Variants in EGLN2 observed in about 807,000 individuals in gnomAD.
EGLN2 encodes the protein egl-9 family hypoxia inducible factor 2.
Under a neutral mutation model 38.2 loss-of-function variants are expected in EGLN2, and 15 were observed. The observed-to-expected ratio is 0.39, with a 90% confidence interval of 0.26 to 0.60. The LOEUF is 0.60. Among genes scored for constraint, EGLN2 ranks in the 20% least tolerant of loss-of-function variants. The probability of loss-of-function intolerance (pLI) is 0.50; values close to 1 mark genes in which losing one functional copy is unlikely to be tolerated. For missense variants in EGLN2, 492 were observed against 570.4 expected, an observed-to-expected ratio of 0.86 and a Z score of 1.40; for synonymous variants, 284 against 237.4, an observed-to-expected ratio of 1.20 and a Z score of -1.81.
At position 40,808,025 on chromosome 19, in the gene EGLN2, A is replaced by G. The variant is rs749135378; in HGVS notation, c.*161A>G. The G allele has an allele frequency of 2.8e-5, 20 of 714,674 alleles. No individual in the cohort carries two copies. Among genetic ancestry groups the G allele is most frequent in the Non-Finnish European group, 4.6e-5 (20 of 430,886 alleles). The allele number at this position is 714,674 out of a possible 1,614,324, so 44.3% of individuals were successfully genotyped here. A position where few individuals can be genotyped will look rare whatever the true frequency, so the allele number is the denominator to read the frequency against. Reference sequence around the variant, plus strand: ...TCTGTTGCTGAGGACCAAGGAGGAGAAGAGACCTTTGCTGCCCCATCATGG... The same window carrying G: ...TCTGTTGCTGAGGACCAAGGAGGAGGAGAGACCTTTGCTGCCCCATCATGG... On this transcript the variant is annotated 3_prime_UTR_variant, in exon 6 of 6. Transcript: ENST00000303961.
Position 40,807,840 on chromosome 19 carries a change from A to G in EGLN2, c.1200A>G (p.Val400=). ...ASGQKGVQVP[V]SQPPTPT ...GACAGAAAGGTGTCCAAGTACCTGT[A>G]TCACAGCCGCCTACGCCCACCTAGT... Residue 400 remains valine, a synonymous_variant, in exon 6 of 6, where the codon GTA becomes GTG. Transcript: ENST00000303961. The G allele has an allele frequency of 1.2e-6, 2 of 1,614,144 alleles. No individual in the cohort carries two copies. The highest frequency in any genetic ancestry group is 2.2e-5 in the East Asian group (1 of 44,876).
intron 5 of EGLN2, 78 bp downstream of exon 5, chr19:40,807,629 G>A: frequency 6.5e-7 from 1 of 1,529,286 alleles, no homozygotes; most frequent in Non-Finnish European, 9.0e-7. Context: ...CCCCTCATCA[G>A]CCTCTTGTTA....
At chr19:40,799,729 C>A (rs188856739) in intron 1 of EGLN2, 1 of 152,226 alleles carries the variant, frequency 6.6e-6, no homozygotes, top group Non-Finnish European at 1.5e-5. Flanking sequence ...ACCTCCCTTC[C>A]GTCTGGGCGT....
At chr19:40,801,593 A>G (rs566408534) in intron 2 of EGLN2, among the ~76,000 whole-genome samples, 178 bp downstream of exon 2, 10 of 148,610 alleles carry the variant, frequency 6.7e-5, no homozygotes, top group African/African-American at 2.0e-4. Flanking sequence ...TATCCTCCCT[A>G]CGGGCCTTAA....
intron 3 of EGLN2, 85 bp from the exon 4 acceptor site, chr19:40,807,053 C>T (rs949883637): frequency 1.8e-4 from 277 of 1,578,704 alleles, no homozygotes; most frequent in Non-Finnish European, 2.3e-4. Context: ...GCAGACGCTG[C>T]GCCTCCTAGT....
rs1002558940 is a variant in EGLN2 at position 40,808,029 on chromosome 19, G to A, written c.*165G>A. On this transcript the variant is annotated 3_prime_UTR_variant, in exon 6 of 6. Transcript: ENST00000303961. The stretch of plus-strand genomic sequence containing the variant: ...TTGCTGAGGACCAAGGAGGAGAAGA[G>A]ACCTTTGCTGCCCCATCATGGGGGC... 1.4e-6 allele frequency: 1 copy of A among 692,370 alleles called. No individual in the cohort carries two copies. Among genetic ancestry groups the A allele is most frequent in the African/African-American group, 1.8e-5 (1 of 55,672 alleles). 42.9% of individuals were successfully genotyped at this position (692,370 alleles called of 1,614,324 possible).
chr19:40,807,983 T>C lies in EGLN2; in HGVS notation c.*119T>C. ...CTTCTGACTTTGCCTCTGTCCTGCC[T>C]GGTGTGGAGGGCTCTGTCTGTTGCT... On this transcript the variant is annotated 3_prime_UTR_variant, in exon 6 of 6. Coordinates refer to ENST00000303961, the MANE Select transcript of EGLN2 (RefSeq NM_080732.4). 2 of 974,164 alleles carry C rather than the reference T, an allele frequency of 2.1e-6. No homozygotes were observed. The highest frequency in any genetic ancestry group is 3.1e-6 in the Non-Finnish European group (2 of 636,068). 60.3% of individuals were successfully genotyped at this position (974,164 alleles called of 1,614,324 possible).
At position 40,800,818 on chromosome 19, in the gene EGLN2, G is replaced by A. The variant is rs1427099232; in HGVS notation, c.246G>A (p.Gly82=). 1.9e-6 allele frequency: 3 copies of A among 1,613,168 alleles called. No individual in the cohort carries two copies. The highest frequency in any genetic ancestry group is 1.7e-6 in the Non-Finnish European group (2 of 1,179,906). Reference sequence around the variant, plus strand: ...GCCCTCTTCGGGACGGTTTTGGCGGGCAGGATGGTGGTGAGCTGCGGCCGC... The same window carrying A: ...GCCCTCTTCGGGACGGTTTTGGCGGACAGGATGGTGGTGAGCTGCGGCCGC... ...TASPLRDGFG[G]QDGGELRPLQ... is the part of the protein sequence containing the mutation. Residue 82 remains glycine (G), a synonymous_variant, in exon 2 of 6, where the codon GGG becomes GGA. Transcript: ENST00000303961.
chr19:40,800,803 G>A lies in EGLN2; in HGVS notation c.231G>A (p.Arg77=), dbSNP rs761145006. 5.0e-6 allele frequency: 8 copies of A among 1,613,508 alleles called. No individual in the cohort carries two copies. The highest frequency in any genetic ancestry group is 6.8e-6 in the Non-Finnish European group (8 of 1,179,898). The part of the protein sequence containing the change: ...TATSTTASPL[R]DGFGGQDGGE... The stretch of plus-strand genomic sequence containing the variant: ...CCTCTACCACTGCCAGCCCTCTTCG[G>A]GACGGTTTTGGCGGGCAGGATGGTG... The change falls in exon 2 of 6, where the codon CGG becomes CGA. Residue 77 remains arginine, a synonymous_variant. Transcript: ENST00000303961.
intron 2 of EGLN2, chr19:40,803,246 C>G (rs1186740330): frequency 1.3e-5 from 2 of 152,336 alleles, no homozygotes; most frequent in Admixed American, 1.3e-4. Context: ...GTGAGTCTGG[C>G]AGTTTGGGGA....
rs2083254989 is a variant in EGLN2 at position 40,801,219 on chromosome 19, G to A, written c.647G>A (p.Gly216Asp). Reference sequence around the variant, plus strand: ...GCCGAGGTGGAGGCCCTCAAACGGGGTGGGCGCCTGCGAGACGGGCAGCTA... The same window carrying A: ...GCCGAGGTGGAGGCCCTCAAACGGGATGGGCGCCTGCGAGACGGGCAGCTA... The part of the protein sequence containing the change: ...VLAEVEALKR[G>D]GRLRDGQLVS... Residue 216 changes from glycine to aspartate, a missense_variant, in exon 2 of 6, where the codon GGT becomes GAT. By Grantham distance (94) the Gly-to-Asp change is moderately conservative (BLOSUM62 -1). This residue lies in a region of EGLN2 where 378 missense variants were observed against 386.2 expected (regional missense o/e 0.98). Transcript: ENST00000303961. 6.2e-7 allele frequency: 1 copy of A among 1,612,482 alleles called. No individual in the cohort carries two copies. The highest frequency in any genetic ancestry group is 1.3e-5 in the African/African-American group (1 of 74,950).
intron 3 of EGLN2, 149 bp from the exon 4 acceptor site, chr19:40,806,989 T>G (rs1418481654): frequency 3.2e-6 from 4 of 1,241,928 alleles, no homozygotes; most frequent in Admixed American, 4.7e-5. Flanking sequence ...GGTGATGCAG[T>G]CTCTGGGTTG....
chr19:40,801,691 A>C (rs1555779454), intron 2 of EGLN2, among the ~76,000 whole-genome samples: 1 of 72,706 alleles, frequency 1.4e-5, no homozygotes, highest in South Asian at 4.7e-4. Context: ...TTTTTTATTG[A>C]TCATTCTTGG....
In EGLN2 at chr19:40,801,462, G is replaced by C. The variant is rs755658881; in HGVS notation, c.843+47G>C. The C allele has an allele frequency of 2.5e-6, 4 of 1,569,938 alleles. No homozygotes were observed. The South Asian group carries it at 4.6e-5, about 18-fold the overall frequency. On this transcript the variant is annotated intron_variant, in intron 2 of 5. Transcript: ENST00000303961. Reference sequence around the variant, plus strand: ...TTTGGAGGGGCTTTGCAGCACCCTGGTTTGCAGCATTCAGTGCTCTGAGCA... The same window carrying C: ...TTTGGAGGGGCTTTGCAGCACCCTGCTTTGCAGCATTCAGTGCTCTGAGCA...
Position 40,808,070 on chromosome 19 carries a change from G to A in EGLN2, c.*206G>A. The A allele has an allele frequency of 1.6e-6, 1 of 614,506 alleles. No homozygotes were observed. The highest frequency in any genetic ancestry group is 2.9e-6 in the Non-Finnish European group (1 of 349,728). The allele number at this position is 614,506 out of a possible 1,614,324, so 38.1% of individuals were successfully genotyped here. On this transcript the variant is annotated 3_prime_UTR_variant, in exon 6 of 6. Transcript: ENST00000303961. ...TCATGGGGGCTGGGGTTGTCACCTG[G>A]ACAGGGGGCAGCCGTGGAGGCCACC...
In EGLN2 at chr19:40,806,681, G is replaced by C. The variant is rs1248352746; in HGVS notation, c.963+7G>C. The C allele has an allele frequency of 4.3e-6, 7 of 1,612,040 alleles. No homozygotes were observed. The Admixed American group carries it at 1.2e-4, about 27-fold the overall frequency. On this transcript the variant is annotated splice_region_variant and intron_variant, in intron 3 of 5. Transcript: ENST00000303961. The stretch of plus-strand genomic sequence containing the variant: ...TCAGAACTGGGACGTTAAGGTAGGG[G>C]TGAGGGTGAGGGTGAGGGTGGCGCT...
rs753244793 is a variant in EGLN2 at position 40,800,806 on chromosome 19, C to T, written c.234C>T (p.Asp78=). 17 of 1,613,338 alleles carry T rather than the reference C, an allele frequency of 1.1e-5. No homozygotes were observed. Among genetic ancestry groups the T allele is most frequent in the South Asian group, 9.9e-5 (9 of 91,052 alleles). ...CTACCACTGCCAGCCCTCTTCGGGA[C>T]GGTTTTGGCGGGCAGGATGGTGGTG... is the stretch of plus-strand genomic sequence containing the variant. ...ATSTTASPLR[D]GFGGQDGGEL... is the part of the protein sequence containing the mutation. The change falls in exon 2 of 6, where the codon GAC becomes GAT. Residue 78 remains aspartate (D), a synonymous_variant. Transcript: ENST00000303961.
chr19:40,806,371 A>G (rs1211808498), intron 2 of EGLN2, 184 bp from the exon 3 acceptor site: 16 of 1,215,288 alleles, frequency 1.3e-5, no homozygotes, highest in Admixed American at 1.2e-4. Flanking sequence ...GGTTTCTGAT[A>G]GACTTGGGGA....
chr19:40,807,787 T>A, intron 5 of EGLN2, 22 bp from the exon 6 acceptor site: 1 of 1,613,702 alleles, frequency 6.2e-7, no homozygotes, highest in Non-Finnish European at 8.5e-7. Context: ...ACTCACTGTC[T>A]CCTGTCCCCT....
Sources: gnomAD v4.1 joint callset for allele counts (sites outside exome capture counted in the v4.1 genomes callset) on GRCh38, gnomAD v4.1.1 for gene constraint, gnomAD v4.1.1 regional missense constraint, MANE v1.5 for transcripts, NCBI Gene and HGNC (gene_info 2026-07-23, HGNC 2026-07-21) for gene names.